The following ZNG1A variants were observed in gnomAD, a reference collection of about 807,000 sequenced individuals.
ZNG1A encodes the protein zinc-regulated GTPase metalloprotein activator 1A.
chr9:161,856 G>C, the ZNG1A span, among the ~76,000 whole-genome samples: 8 of 151,784 alleles, frequency 5.3e-5, no homozygotes, highest in African/African-American at 1.7e-4. Flanking sequence ...TTAATGGAGA[G>C]GGTCTTCTTA....
chr9:147,708 T>A, the ZNG1A span: 1 of 148,114 alleles, frequency 6.8e-6, no homozygotes, highest in Non-Finnish European at 1.5e-5. Flanking sequence ...TATTTCCTTT[T>A]TCACCTCCCC....
the ZNG1A span, among the ~76,000 whole-genome samples, chr9:125,916 C>A: frequency 3.8e-5 from 2 of 52,446 alleles, 1 homozygote; most frequent in Non-Finnish European, 7.3e-5. Flanking sequence ...ATTTTTATAA[C>A]CGTACCATGC....
the ZNG1A span, chr9:162,339 A>T: frequency 8.2e-7 from 1 of 1,226,940 alleles, no homozygotes; most frequent in Non-Finnish European, 1.1e-6. Context: ...TGTTAAAGAA[A>T]ATTTCAGATA....
chr9:172,367 T>C, the ZNG1A span: 37 of 588,768 alleles, frequency 6.3e-5, no homozygotes, highest in East Asian at 9.9e-4. Context: ...TGCATATATA[T>C]AATAGGTAAA....
the ZNG1A span, chr9:147,213 G>T: frequency 7.2e-6 from 1 of 138,214 alleles, no homozygotes; most frequent in Non-Finnish European, 1.5e-5. Context: ...GCAGAGGACA[G>T]TGATTTCTCA....
the ZNG1A span, chr9:121,496 G>A: frequency 9.9e-6 from 16 of 1,611,498 alleles, no homozygotes; most frequent in Non-Finnish European, 1.1e-5. Flanking sequence ...TCTTGGAAAC[G>A]TGTTGTCCAC....
the ZNG1A span, among the ~76,000 whole-genome samples, chr9:125,096 T>A: frequency 0.46 from 68,884 of 150,582 alleles, 12,086 homozygotes; most frequent in East Asian, 0.53. Context: ...CTGGACCAAA[T>A]GGTAGTTCTA....
At chr9:175,236 G>C in the ZNG1A span, among the ~76,000 whole-genome samples, 2 of 151,962 alleles carry the variant, frequency 1.3e-5, no homozygotes, top group Non-Finnish European at 2.9e-5. Context: ...AAATTATCTG[G>C]GCATGGTGGC....
the ZNG1A span, among the ~76,000 whole-genome samples, chr9:131,755 C>A: frequency 2.0e-5 from 3 of 149,240 alleles, no homozygotes; most frequent in Non-Finnish European, 4.4e-5. Context: ...CTCACTGTAA[C>A]CAACATGTTT....
the ZNG1A span, among the ~76,000 whole-genome samples, chr9:164,955 A>G: frequency 1.3e-5 from 2 of 152,092 alleles, no homozygotes. Context: ...GGGCCACAAG[A>G]TCTAATGGTT....
the ZNG1A span, among the ~76,000 whole-genome samples, chr9:160,350 G>A: frequency 2.0e-5 from 3 of 151,806 alleles, no homozygotes; most frequent in Admixed American, 6.6e-5. Flanking sequence ...TACTGCCTCA[G>A]AATTCTCTGA....
the ZNG1A span, chr9:172,359 C>CAT: frequency 3.2e-6 from 2 of 615,882 alleles, no homozygotes; most frequent in African/African-American, 1.9e-5. Flanking sequence ...ACAATAGATG[C>CAT]ATATATATAA....
the ZNG1A span, among the ~76,000 whole-genome samples, chr9:164,952 A>C: frequency 6.6e-6 from 1 of 152,134 alleles, no homozygotes; most frequent in African/African-American, 2.4e-5. Context: ...CAAGGGCCAC[A>C]AGATCTAATG....
At chr9:170,520 G>A in the ZNG1A span, among the ~76,000 whole-genome samples, 2,548 of 150,756 alleles carry the variant, frequency 0.017, 105 homozygotes, top group African/African-American at 0.059. Flanking sequence ...CTGAGTAGCT[G>A]GGATTATGGG....
the ZNG1A span, among the ~76,000 whole-genome samples, chr9:155,516 A>G: frequency 1.3e-5 from 2 of 152,166 alleles, no homozygotes; most frequent in African/African-American, 4.8e-5. Context: ...ATCTCTGTAA[A>G]GAATCCAGTT....
chr9:161,542 T>C, the ZNG1A span: 9 of 1,281,922 alleles, frequency 7.0e-6, no homozygotes, highest in Non-Finnish European at 9.1e-6. Context: ...TTTTAAACAC[T>C]GAATTTAAAC....
the ZNG1A span, among the ~76,000 whole-genome samples, chr9:157,757 C>G: frequency 6.9e-5 from 10 of 145,170 alleles, no homozygotes; most frequent in Admixed American, 6.9e-4. Flanking sequence ...CAATGCTACA[C>G]AAATGTCAAT....
the ZNG1A span, chr9:135,102 C>G: frequency 1.4e-5 from 14 of 971,324 alleles, no homozygotes; most frequent in South Asian, 2.2e-4. Flanking sequence ...TTTAGTGACA[C>G]AAGGATAATG....
the ZNG1A span, chr9:161,610 T>G: frequency 7.8e-7 from 1 of 1,286,558 alleles, no homozygotes; most frequent in African/African-American, 1.5e-5. Flanking sequence ...AACGGGTCAG[T>G]GGGTGGGATG....
Sources: gnomAD v4.1 joint callset for allele counts (sites outside exome capture counted in the v4.1 genomes callset) on GRCh38, gnomAD v4.1.1 for gene constraint, MANE v1.5 for transcripts, NCBI Gene and HGNC (gene_info 2026-07-23, HGNC 2026-07-21) for gene names.